APBB2: variants seen among roughly 807,000 people sequenced by gnomAD.
APBB2 encodes the protein amyloid beta precursor protein binding family B member 2.
Under a neutral mutation model 82.5 loss-of-function variants are expected in APBB2, and 38 were observed. The ratio of observed to expected loss-of-function variants is 0.46; its 90% CI spans 0.36 to 0.60. The LOEUF (loss-of-function observed/expected upper bound fraction) is 0.60. APBB2 is among the 20% of genes least tolerant of loss of function. The pLI is 0.00. For synonymous variants in APBB2, 341 were observed against 368.2 expected (o/e 0.93, Z 0.85); for missense variants, 772 against 972.3 (o/e 0.79, Z 2.74).
chr4:41,135,228 G>C lies in APBB2; in HGVS notation c.-261+7759C>G, dbSNP rs1394719239. Among the ~76,000 whole-genome samples, 3 of 148,964 alleles carry C rather than the reference G, an allele frequency of 2.0e-5. No individual in the cohort carries two copies. In the South Asian group the frequency reaches 6.3e-4, roughly 32 times the overall value. The stretch of plus-strand genomic sequence containing the variant: ...AACCCAAGCATAGCATGGTTACTAT[G>C]ATTCTAAAACCTGTCCTCAAAGGGC... On this transcript the variant is annotated intron_variant, in intron 2 of 17. Transcript: ENST00000508593.
At chr4:41,117,046 T>C (rs932329387) in intron 2 of APBB2, among the ~76,000 whole-genome samples, 4 of 152,050 alleles carry the variant, frequency 2.6e-5, no homozygotes, top group Non-Finnish European at 4.4e-5. Flanking sequence ...ATCACAAATG[T>C]TGCCCTCTCT....
At chr4:40,874,658 C>T (rs548279657) in intron 12 of APBB2, among the ~76,000 whole-genome samples, 3 of 152,242 alleles carry the variant, frequency 2.0e-5, no homozygotes, top group South Asian at 2.1e-4. Context: ...TCTGAAGGTT[C>T]GCCGTTAATG....
In APBB2 at chr4:40,843,063, C is replaced by T. The variant is rs560554614; in HGVS notation, c.1530-12486G>A. ...AGCTACCCAGAGCTGTCCTGAGCTG[C>T]CTGGGACCCTAATGAAGTCACTTAA... is the stretch of plus-strand genomic sequence containing the variant. On this transcript the variant is annotated intron_variant, in intron 12 of 17. Transcript: ENST00000508593. Among the ~76,000 whole-genome samples the T allele has an allele frequency of 2.6e-5, 4 of 152,294 alleles. No individual in the cohort carries two copies. In the South Asian group the frequency reaches 8.3e-4, roughly 32 times the overall value.
chr4:40,986,827 G>A (rs1402398219), intron 6 of APBB2, among the ~76,000 whole-genome samples: 2 of 152,160 alleles, frequency 1.3e-5, no homozygotes, highest in East Asian at 3.8e-4. Flanking sequence ...AAACATGCAG[G>A]TGTAAAATAA....
chr4:40,815,984 G>T lies in APBB2; in HGVS notation c.*108C>A. Reference sequence around the variant, plus strand: ...CTGCTTGGTTAAGGGTAAATTCTCTGAAGACAAAGCATCAGCAACTGGATG... The same window carrying T: ...CTGCTTGGTTAAGGGTAAATTCTCTTAAGACAAAGCATCAGCAACTGGATG... On this transcript the variant is annotated 3_prime_UTR_variant, in exon 18 of 18. Transcript: ENST00000508593. 7.7e-7 allele frequency: 1 copy of T among 1,295,818 alleles called. No individual in the cohort carries two copies. Among genetic ancestry groups the T allele is most frequent in the Non-Finnish European group, 1.1e-6 (1 of 923,014 alleles). 80.3% of individuals were successfully genotyped at this position (1,295,818 alleles called of 1,614,324 possible).
intron 12 of APBB2, among the ~76,000 whole-genome samples, chr4:40,848,702 AC>A (rs1376149258): frequency 1.3e-5 from 2 of 149,052 alleles, no homozygotes; most frequent in African/African-American, 2.5e-5. Flanking sequence ...ACAATTCCCA[AC>A]CCCCACCCGC....
At chr4:41,103,613 T>G (rs990354938) in intron 2 of APBB2, among the ~76,000 whole-genome samples, 1 of 152,126 alleles carries the variant, frequency 6.6e-6, no homozygotes, top group Non-Finnish European at 1.5e-5. Flanking sequence ...CCCAGTTTTG[T>G]TTATAAGAAA....
chr4:40,950,536 A>T (rs1459875067), intron 6 of APBB2, among the ~76,000 whole-genome samples: 1 of 152,146 alleles, frequency 6.6e-6, no homozygotes, highest in African/African-American at 2.4e-5. Flanking sequence ...ACACAGGGAG[A>T]TGCATGTCTA....
intron 4 of APBB2, among the ~76,000 whole-genome samples, chr4:41,061,176 C>G (rs550603474): frequency 6.6e-6 from 1 of 152,318 alleles, no homozygotes; most frequent in South Asian, 2.1e-4. Flanking sequence ...GCTGCAGTTG[C>G]AGTGGTGGCT....
chr4:40,938,285 T>A (rs1785896021), intron 7 of APBB2, among the ~76,000 whole-genome samples: 2 of 152,324 alleles, frequency 1.3e-5, no homozygotes, highest in South Asian at 4.1e-4. Flanking sequence ...TCCTGCTCAG[T>A]TCTGGGAGAG....
At chr4:41,138,825 GAAAATACTAGCAAAGTCATACACATA>G (rs1415548573) in intron 2 of APBB2, among the ~76,000 whole-genome samples, 1 of 152,068 alleles carries the variant, frequency 6.6e-6, no homozygotes, top group African/African-American at 2.4e-5. Context: ...CTGGTATATA[GAAAATACTAGCAAAGTCATACACATA>G]AAAAACTATC....
chr4:41,139,750 G>C (rs575172124), intron 2 of APBB2, among the ~76,000 whole-genome samples: 1 of 152,268 alleles, frequency 6.6e-6, no homozygotes, highest in African/African-American at 2.4e-5. Flanking sequence ...TAGTGGCCAG[G>C]GGTTCAGGAA....
At chr4:40,822,399 A>C in intron 16 of APBB2, 1 of 188,816 alleles carries the variant, frequency 5.3e-6, no homozygotes, top group Non-Finnish European at 1.1e-5. Context: ...CCCAAAACCC[A>C]TTTGGCCAAG....
intron 6 of APBB2, among the ~76,000 whole-genome samples, chr4:40,995,667 G>A (rs906729626): frequency 6.6e-6 from 1 of 151,084 alleles, no homozygotes; most frequent in African/African-American, 2.4e-5. Flanking sequence ...AGCCTCCTAC[G>A]TAGCTGACGC....
At chr4:41,101,157 G>A (rs1184187579) in intron 2 of APBB2, among the ~76,000 whole-genome samples, 1 of 152,184 alleles carries the variant, frequency 6.6e-6, no homozygotes, top group East Asian at 1.9e-4. Context: ...TATCAACACA[G>A]AAGTAGTTGT....
At chr4:41,020,157 C>G (rs1056712251) in intron 5 of APBB2, among the ~76,000 whole-genome samples, 1 of 152,146 alleles carries the variant, frequency 6.6e-6, no homozygotes, top group Non-Finnish European at 1.5e-5. Context: ...TCTCTGTAAC[C>G]CTGTAACACT....
intron 3 of APBB2, among the ~76,000 whole-genome samples, chr4:41,089,882 G>A (rs1741102175): frequency 1.3e-5 from 2 of 152,034 alleles, no homozygotes; most frequent in African/African-American, 4.8e-5. Context: ...TTGATCCTAC[G>A]CCCATGTCTC....
intron 13 of APBB2, among the ~76,000 whole-genome samples, chr4:40,828,327 G>GA (rs1223061002): frequency 7.2e-5 from 11 of 152,154 alleles, no homozygotes; most frequent in Admixed American, 1.3e-4. Flanking sequence ...TTTAGGGACT[G>GA]AAAGAAGCCC....
At chr4:40,933,994 C>T (rs527545505) in intron 10 of APBB2, among the ~76,000 whole-genome samples, 116 of 152,280 alleles carry the variant, frequency 7.6e-4, no homozygotes, top group Non-Finnish European at 1.2e-3. Flanking sequence ...CCCCAGTTTT[C>T]CATCATAAAA....
Sources: allele counts gnomAD v4.1 joint callset (sites outside exome capture counted in the v4.1 genomes callset), GRCh38; gene constraint gnomAD v4.1.1; transcripts MANE v1.5; gene names NCBI Gene and HGNC (gene_info 2026-07-23, HGNC 2026-07-21).